Variants in BCAR3 observed in about 807,000 individuals in gnomAD.
The protein encoded by BCAR3 is BCAR3 adaptor protein, NSP family member.
BCAR3 carries 37 observed loss-of-function variants against 80.1 expected under a neutral mutation model. The observed-to-expected ratio is 0.46, with a 90% confidence interval of 0.36 to 0.61. The LOEUF is 0.61. BCAR3 is among the 20% of genes least tolerant of loss of function. BCAR3 has a pLI of 0.00. For missense variants in BCAR3, 978 were observed against 1,068.2 expected, an observed-to-expected ratio of 0.92 and a Z score of 1.18; for synonymous variants, 389 against 418.9, an observed-to-expected ratio of 0.93 and a Z score of 0.87.
At chr1:93,720,115 T>A (rs1175037651) in intron 2 of BCAR3, 1 of 152,164 alleles carries the variant, frequency 6.6e-6, no homozygotes, top group African/African-American at 2.4e-5. Flanking sequence ...CTCAAAGAAA[T>A]GAGGTGGTGG....
intron 8 of BCAR3, among the ~76,000 whole-genome samples, chr1:93,573,887 C>A (rs990102753): frequency 1.2e-4 from 19 of 152,136 alleles, no homozygotes; most frequent in Non-Finnish European, 2.6e-4. Context: ...CCTTGGCCTC[C>A]CAAAGTGCTG....
At chr1:93,579,718 C>T (rs950271167) in intron 7 of BCAR3, among the ~76,000 whole-genome samples, 1 of 152,202 alleles carries the variant, frequency 6.6e-6, no homozygotes, top group Non-Finnish European at 1.5e-5. Flanking sequence ...AGGATTCATT[C>T]CCCTGGGAAT....
intron 3 of BCAR3, among the ~76,000 whole-genome samples, chr1:93,702,364 A>G (rs1028558039): frequency 9.2e-5 from 14 of 152,200 alleles, no homozygotes; most frequent in African/African-American, 3.4e-4. Flanking sequence ...GGAGTCTTAA[A>G]AACAACCTCA....
intron 5 of BCAR3, among the ~76,000 whole-genome samples, chr1:93,587,228 G>A (rs1673982136): frequency 6.6e-6 from 1 of 152,142 alleles, no homozygotes; most frequent in Non-Finnish European, 1.5e-5. Flanking sequence ...GTTGTGCCAT[G>A]TTGCCCAAGC....
intron 3 of BCAR3, among the ~76,000 whole-genome samples, chr1:93,703,642 T>C (rs1187945313): frequency 2.6e-5 from 4 of 152,024 alleles, no homozygotes; most frequent in Admixed American, 2.0e-4. Flanking sequence ...ATATACTACA[T>C]TTATATTATG....
At chr1:93,710,818 T>C (rs1019527079) in intron 2 of BCAR3, among the ~76,000 whole-genome samples, 1 of 152,246 alleles carries the variant, frequency 6.6e-6, no homozygotes, top group Non-Finnish European at 1.5e-5. Flanking sequence ...AAACATTTGT[T>C]ATCTCACATA....
At chr1:93,728,298 C>T (rs1352992178) in intron 2 of BCAR3, among the ~76,000 whole-genome samples, 4 of 152,240 alleles carry the variant, frequency 2.6e-5, no homozygotes, top group African/African-American at 4.8e-5. Context: ...GGGGAGCACA[C>T]AGACGGGCAG....
At chr1:93,646,054 AAC>A (rs1235270602) in intron 2 of BCAR3, among the ~76,000 whole-genome samples, 2 of 152,138 alleles carry the variant, frequency 1.3e-5, no homozygotes, top group Non-Finnish European at 2.9e-5. Context: ...ACATTGTGTA[AAC>A]AGTGTTTCAC....
At chr1:93,840,777 A>G (rs1654932329) in intron 2 of BCAR3, among the ~76,000 whole-genome samples, 1 of 152,234 alleles carries the variant, frequency 6.6e-6, no homozygotes, top group African/African-American at 2.4e-5. Flanking sequence ...GTTAGAAAGC[A>G]CGGATGTTTA....
In BCAR3 at chr1:93,582,766, G is replaced by A; in HGVS notation, c.1221C>T (p.Pro407=). 6.2e-7 allele frequency: 1 copy of A among 1,614,114 alleles called. No individual in the cohort carries two copies. Among genetic ancestry groups the A allele is most frequent in the East Asian group, 2.2e-5 (1 of 44,858 alleles). The change falls in exon 7 of 12, where the codon CCC becomes CCT. Residue 407 remains proline, a synonymous_variant. Transcript: ENST00000260502. ...GAACCTTGAGGAACGGCACCTTGCA[G>A]GGCTTAGGCGGGGGCTTAGGGCACA... ...SQLCPKPPPK[P]CKVPFLKVPS...
At chr1:93,633,496 C>T (rs1487403368) in intron 3 of BCAR3, among the ~76,000 whole-genome samples, 1 of 152,200 alleles carries the variant, frequency 6.6e-6, no homozygotes, top group Non-Finnish European at 1.5e-5. Context: ...GAATGAGCCA[C>T]TGCAGTCAAA....
intron 2 of BCAR3, among the ~76,000 whole-genome samples, chr1:93,656,566 A>G (rs977478640): frequency 6.7e-6 from 1 of 149,804 alleles, no homozygotes; most frequent in Admixed American, 6.6e-5. Context: ...TGTACCATAC[A>G]TCGTTATTTT....
intron 2 of BCAR3, among the ~76,000 whole-genome samples, chr1:93,763,647 T>G (rs894347832): frequency 2.0e-5 from 3 of 152,184 alleles, no homozygotes; most frequent in African/African-American, 7.2e-5. Context: ...TCTTCTTAGC[T>G]CATTTTTCTG....
chr1:93,718,288 T>C (rs764678622), intron 2 of BCAR3, among the ~76,000 whole-genome samples: 4 of 152,160 alleles, frequency 2.6e-5, no homozygotes, highest in Non-Finnish European at 5.9e-5. Context: ...CTTTGATACA[T>C]ATGATCAGAC....
At chr1:93,788,232 A>T (rs1413677707) in intron 2 of BCAR3, among the ~76,000 whole-genome samples, 1 of 152,100 alleles carries the variant, frequency 6.6e-6, no homozygotes, top group African/African-American at 2.4e-5. Flanking sequence ...AAGTCAGTAG[A>T]TCCTTGGTTG....
At chr1:93,751,212 G>A (rs1431239365) in intron 2 of BCAR3, among the ~76,000 whole-genome samples, 1 of 152,156 alleles carries the variant, frequency 6.6e-6, no homozygotes. Flanking sequence ...TGGCAGAGCT[G>A]GGGCTGATAC....
chr1:93,817,922 T>C (rs1234793373), intron 2 of BCAR3, among the ~76,000 whole-genome samples: 1 of 152,010 alleles, frequency 6.6e-6, no homozygotes, highest in Non-Finnish European at 1.5e-5. Context: ...CCCTCTTGGC[T>C]CTGCCAGTCC....
chr1:93,653,899 G>T (rs984721292), intron 2 of BCAR3, among the ~76,000 whole-genome samples: 1 of 152,232 alleles, frequency 6.6e-6, no homozygotes, highest in Non-Finnish European at 1.5e-5. Flanking sequence ...CTGTTCAGGA[G>T]TCAATGCCAC....
intron 2 of BCAR3, among the ~76,000 whole-genome samples, chr1:93,660,402 T>C (rs528431677): frequency 6.6e-6 from 1 of 152,256 alleles, no homozygotes; most frequent in South Asian, 2.1e-4. Flanking sequence ...TCTGAACATG[T>C]TTAAAATACC....
Sources: gnomAD v4.1 joint callset for allele counts (sites outside exome capture counted in the v4.1 genomes callset) on GRCh38, gnomAD v4.1.1 for gene constraint, MANE v1.5 for transcripts, NCBI Gene and HGNC (gene_info 2026-07-23, HGNC 2026-07-21) for gene names.